Variants in SHROOM4 observed in about 807,000 individuals in gnomAD.
SHROOM4 encodes the protein shroom family member 4.
In SHROOM4, 17 loss-of-function variants were observed where a neutral mutation model predicts 80.3. The ratio of observed to expected loss-of-function variants is 0.21; its 90% CI spans 0.14 to 0.32. The LOEUF is 0.32. Among genes scored for constraint, SHROOM4 ranks in the 10% least tolerant of loss-of-function variants. The pLI is 1.00. For synonymous variants in SHROOM4, 400 were observed against 437.5 expected, an observed-to-expected ratio of 0.91 and a Z score of 1.07; for missense variants, 993 against 1,140.3, an observed-to-expected ratio of 0.87 and a Z score of 1.86.
chrX:50,668,629 T>C (rs1487876439), intron 2 of SHROOM4, among the ~76,000 whole-genome samples: 1 of 112,063 alleles, frequency 8.9e-6, no homozygotes, highest in East Asian at 2.8e-4. Context: ...GAGATAATCA[T>C]GAGACACCAC....
chrX:50,640,779 C>T (rs1931561743), intron 2 of SHROOM4, among the ~76,000 whole-genome samples: 1 of 112,236 alleles, frequency 8.9e-6, no homozygotes, highest in South Asian at 3.7e-4. Context: ...CTTCCTGATT[C>T]TGTGCCTTTG....
chrX:50,808,113 T>A lies in SHROOM4; in HGVS notation c.117+5789A>T, dbSNP rs139573748. On this transcript the variant is annotated intron_variant, in intron 1 of 8. Transcript: ENST00000376020. Reference sequence around the variant, plus strand: ...TCCCATAAGGAACAGCTGAAAGAGCTAGGGCTCTGCTAGAAAAGTGAAACA... The same window carrying A: ...TCCCATAAGGAACAGCTGAAAGAGCAAGGGCTCTGCTAGAAAAGTGAAACA... 4.8e-3 allele frequency among the ~76,000 whole-genome samples: 534 copies of A among 111,315 alleles called. 3 individuals carry two copies. Among genetic ancestry groups the A allele is most frequent in the African/African-American group, 0.016 (502 of 30,628 alleles).
intron 1 of SHROOM4, among the ~76,000 whole-genome samples, chrX:50,795,238 T>G (rs782418831): frequency 1.0e-5 from 1 of 100,386 alleles, no homozygotes; most frequent in East Asian, 3.0e-4. Context: ...GGAACAAATG[T>G]GCAAAACTAT....
At chrX:50,603,980 TA>T (rs1427205665) in intron 6 of SHROOM4, among the ~76,000 whole-genome samples, 1 of 111,981 alleles carries the variant, frequency 8.9e-6, no homozygotes, top group Non-Finnish European at 1.9e-5. Flanking sequence ...CGCTAACCTC[TA>T]GCTGTTTGAA....
At chrX:50,760,035 T>G (rs1192552230) in intron 1 of SHROOM4, among the ~76,000 whole-genome samples, 2 of 111,519 alleles carry the variant, frequency 1.8e-5, no homozygotes, top group African/African-American at 3.3e-5. Context: ...TATATTCTTC[T>G]GTGGTTGGGT....
chrX:50,737,462 C>T (rs185827485), intron 1 of SHROOM4, among the ~76,000 whole-genome samples: 22 of 111,567 alleles, frequency 2.0e-4, no homozygotes, highest in African/African-American at 6.2e-4. Flanking sequence ...CTACAAGACA[C>T]ATATTTATAT....
At chrX:50,662,456 G>A (rs1932541924) in intron 2 of SHROOM4, among the ~76,000 whole-genome samples, 1 of 109,259 alleles carries the variant, frequency 9.2e-6, no homozygotes, top group Non-Finnish European at 1.9e-5. Flanking sequence ...AGTGGAGATC[G>A]CACCATTGCA....
At chrX:50,653,176 G>A (rs898957976) in intron 2 of SHROOM4, among the ~76,000 whole-genome samples, 8 of 111,607 alleles carry the variant, frequency 7.2e-5, no homozygotes, top group South Asian at 3.8e-4. Flanking sequence ...CCATTTTCAC[G>A]ATATTGATTC....
At chrX:50,643,266 G>A (rs1186361764) in intron 2 of SHROOM4, 1 of 111,934 alleles carries the variant, frequency 8.9e-6, no homozygotes, top group African/African-American at 3.3e-5. Flanking sequence ...GAAAGCAAGA[G>A]GGGGAAGAGT....
Position 50,587,630 on chromosome X carries a change from A to G in SHROOM4, c.*9065T>C, listed in dbSNP as rs1928785623. Among the ~76,000 whole-genome samples, 1 of 112,231 alleles carries G rather than the reference A, an allele frequency of 8.9e-6. No homozygotes were observed. Among genetic ancestry groups the G allele is most frequent in the East Asian group, 2.8e-4 (1 of 3,588 alleles). On this transcript the variant is annotated 3_prime_UTR_variant, in exon 9 of 9. Coordinates refer to ENST00000376020, the MANE Select transcript of SHROOM4 (RefSeq NM_020717.5). ...TGTATATAAAGTATTATGTAATTGT[A>G]TATTTATACTTATCTATCTCTTTCA... is the stretch of plus-strand genomic sequence containing the variant.
intron 1 of SHROOM4, among the ~76,000 whole-genome samples, chrX:50,759,668 C>T (rs1935109144): frequency 8.9e-6 from 1 of 111,761 alleles, no homozygotes; most frequent in Admixed American, 9.5e-5. Flanking sequence ...ATTGGTTTTA[C>T]ATTTTTTCTT....
rs1477151900 is a variant in SHROOM4, at chrX:50,591,541, A to G, written c.*5154T>C. On this transcript the variant is annotated 3_prime_UTR_variant, in exon 9 of 9. Coordinates refer to ENST00000376020, the MANE Select transcript of SHROOM4 (RefSeq NM_020717.5). ...ATCCATGAACATGGAGTGTCTTTCC[A>G]TTTATTTTGATCTTCTCTAATCTCT... 1 of 225,645 alleles carries G rather than the reference A, an allele frequency of 4.4e-6. No homozygotes were observed. The highest frequency in any genetic ancestry group is 8.0e-6 in the Non-Finnish European group (1 of 124,542). The allele number at this position is 225,645 out of a possible 1,213,427, so 18.6% of individuals were successfully genotyped here.
At position 50,591,726 on chromosome X, in the gene SHROOM4, CTTTCTTT is replaced by C. The variant is rs1295038060; in HGVS notation, c.*4962_*4968del. 9.0e-6 allele frequency: 2 copies of C among 221,079 alleles called. No homozygotes were observed. The highest frequency in any genetic ancestry group is 3.1e-4 in the East Asian group (2 of 6,470). The allele number at this position is 221,079 out of a possible 1,213,427, so 18.2% of individuals were successfully genotyped here. A position where few individuals can be genotyped will look rare whatever the true frequency, so the allele number is the denominator to read the frequency against. ...TCTTTCTTTCTTTCTTTCTTTCTTT[CTTTCTTT>C]TTGAGACAAAGTCTCACTCTGTTGC... On this transcript the variant is annotated 3_prime_UTR_variant, in exon 9 of 9. Transcript: ENST00000376020.
intron 7 of SHROOM4, among the ~76,000 whole-genome samples, chrX:50,602,093 CTT>C (rs782323339): frequency 2.0e-5 from 2 of 102,244 alleles, no homozygotes. Flanking sequence ...TTCTTTTCTT[CTT>C]TTTTTTTTTT....
At chrX:50,597,355 TGTGTGA>T (rs1929158560) in intron 8 of SHROOM4, among the ~76,000 whole-genome samples, 1 of 111,842 alleles carries the variant, frequency 8.9e-6, no homozygotes, top group African/African-American at 3.3e-5. Flanking sequence ...TGAGTGGATA[TGTGTGA>T]GTGTATGTGT....
chrX:50,749,583 C>T (rs1934859932), intron 1 of SHROOM4, among the ~76,000 whole-genome samples: 2 of 111,625 alleles, frequency 1.8e-5, no homozygotes, highest in Admixed American at 1.9e-4. Flanking sequence ...AAAGGTTATA[C>T]AGAGAATATA....
intron 1 of SHROOM4, among the ~76,000 whole-genome samples, chrX:50,739,544 A>G (rs1326138244): frequency 2.5e-4 from 28 of 111,762 alleles, no homozygotes; most frequent in Non-Finnish European, 4.9e-4. Flanking sequence ...CATTTCTGAA[A>G]AGAAGACATT....
At chrX:50,774,893 T>G (rs1334485022) in intron 1 of SHROOM4, among the ~76,000 whole-genome samples, 2 of 111,706 alleles carry the variant, frequency 1.8e-5, no homozygotes, top group African/African-American at 3.3e-5. Flanking sequence ...ATGCAAACTA[T>G]AAAAGGAAAA....
chrX:50,602,487 C>G (rs1929473716), intron 7 of SHROOM4, 146 bp downstream of exon 7: 1 of 557,505 alleles, frequency 1.8e-6, no homozygotes, highest in East Asian at 3.4e-5. Flanking sequence ...GGACTTGGAT[C>G]TGTGAGAAAT....
Sources: gnomAD v4.1 joint callset for allele counts (sites outside exome capture counted in the v4.1 genomes callset) on GRCh38, gnomAD v4.1.1 for gene constraint, MANE v1.5 for transcripts, NCBI Gene and HGNC (gene_info 2026-07-23, HGNC 2026-07-21) for gene names.